The following PCDHGA1 variants were observed in gnomAD, a reference collection of about 807,000 sequenced individuals.
The protein encoded by PCDHGA1 is protocadherin gamma-A1.
A neutral mutation model predicts 58.0 loss-of-function variants in PCDHGA1; 32 were observed. That is an observed-to-expected ratio of 0.55 (90% CI 0.42 to 0.74). The LOEUF (loss-of-function observed/expected upper bound fraction) is 0.74. Among genes scored for constraint, PCDHGA1 ranks in the 30% least tolerant of loss-of-function variants. The pLI is 0.00. For missense variants in PCDHGA1, 1,205 were observed against 1,182.3 expected, an observed-to-expected ratio of 1.02 and a Z score of -0.28; for synonymous variants, 498 against 501.1, an observed-to-expected ratio of 0.99 and a Z score of 0.08.
chr5:141,351,755 T>C (rs1758807882), intron 1 of PCDHGA1: 1 of 1,613,480 alleles, frequency 6.2e-7, no homozygotes, highest in Admixed American at 1.7e-5. Flanking sequence ...GGAGCTGTTG[T>C]CCTACGTGTC....
At chr5:141,389,620 C>T (rs1447057180) in intron 1 of PCDHGA1, 1 of 1,613,032 alleles carries the variant, frequency 6.2e-7, no homozygotes, top group African/African-American at 1.3e-5. Context: ...GTGCCGCACG[C>T]TGCAGAGCCT....
At chr5:141,376,675 C>CCTTTTTTTT (rs1561575046) in intron 1 of PCDHGA1, 1 of 343,980 alleles carries the variant, frequency 2.9e-6, no homozygotes. Context: ...GTGAGGGTAT[C>CCTTTTTTTT]GTTTTTTTTT....
chr5:141,399,314 A>G, intron 1 of PCDHGA1: 1 of 1,613,988 alleles, frequency 6.2e-7, no homozygotes, highest in African/African-American at 1.3e-5. Flanking sequence ...TCATCCAAAA[A>G]TTCGTATAAG....
chr5:141,385,041 C>T, intron 1 of PCDHGA1: 1 of 1,614,174 alleles, frequency 6.2e-7, no homozygotes, highest in Non-Finnish European at 8.5e-7. Flanking sequence ...TGCTGGCGCT[C>T]AGGCTGCGGC....
chr5:141,430,913 C>A (rs1485488693), intron 1 of PCDHGA1: 1 of 1,607,720 alleles, frequency 6.2e-7, no homozygotes, highest in East Asian at 2.2e-5. Context: ...CTCCAGGGAC[C>A]TGGGGCTGGA....
At chr5:141,405,316 T>C (rs752153213) in intron 1 of PCDHGA1, 5 of 1,614,232 alleles carry the variant, frequency 3.1e-6, no homozygotes, top group Non-Finnish European at 4.2e-6. Context: ...GTGAGAAAAA[T>C]GAGCCTTTGT....
At chr5:141,473,988 G>T (rs1006988447) in intron 1 of PCDHGA1, among the ~76,000 whole-genome samples, 2 of 152,118 alleles carry the variant, frequency 1.3e-5, no homozygotes, top group Middle Eastern at 3.2e-3. Context: ...AGGATCCCTT[G>T]AGCCCAAGGA....
At chr5:141,368,030 G>A (rs1323866640) in intron 1 of PCDHGA1, among the ~76,000 whole-genome samples, 1 of 152,122 alleles carries the variant, frequency 6.6e-6, no homozygotes. Context: ...TCAAATTCCA[G>A]GAGGATGTGT....
In PCDHGA1 at chr5:141,490,490, C is replaced by A. The variant is rs886264588; in HGVS notation, c.2422-4317C>A. The A allele has an allele frequency of 1.2e-6, 2 of 1,614,184 alleles. No individual in the cohort carries two copies. Among genetic ancestry groups the A allele is most frequent in the Non-Finnish European group, 1.7e-6 (2 of 1,180,028 alleles). ...AGCCAGCCTTTGGACCGGGAGGCCA[C>A]ATCCCACTATATCATCGAGCTGCTG... On this transcript the variant is annotated intron_variant, in intron 1 of 3. Transcript: ENST00000517417. The surrounding 1 kb of genome is among the most constrained non-coding windows in gnomAD (Gnocchi z 5.4).
At chr5:141,494,268 C>G (rs576129333) in intron 1 of PCDHGA1, among the ~76,000 whole-genome samples, 31 of 152,288 alleles carry the variant, frequency 2.0e-4, no homozygotes, top group African/African-American at 7.2e-4. Flanking sequence ...TTCTTGCAAG[C>G]CAAGGGCCCA....
intron 1 of PCDHGA1, among the ~76,000 whole-genome samples, chr5:141,438,793 C>T (rs982191766): frequency 2.7e-5 from 4 of 149,544 alleles, no homozygotes; most frequent in African/African-American, 7.4e-5. Context: ...TCTCCAGTAG[C>T]TGGGATTACA....
At position 141,339,931 on chromosome 5, in the gene PCDHGA1, A is replaced by G. The variant is rs1043132725; in HGVS notation, c.2421+6826A>G. 2.5e-6 allele frequency: 4 copies of G among 1,614,142 alleles called. No individual in the cohort carries two copies. In the African/African-American group the frequency reaches 4.0e-5, roughly 16 times the overall value. The stretch of plus-strand genomic sequence containing the variant: ...CTACATTCCATGAAATTGATATTGA[A>G]GCTCAGGATGGTCCGGGCCTTCTAA... On this transcript the variant is annotated intron_variant, in intron 1 of 3. Coordinates refer to ENST00000517417, the MANE Select transcript of PCDHGA1 (RefSeq NM_018912.3).
At chr5:141,409,681 G>A in intron 1 of PCDHGA1, 1 of 1,613,368 alleles carries the variant, frequency 6.2e-7, no homozygotes, top group South Asian at 1.1e-5. Flanking sequence ...CTATAGTGGC[G>A]AGTGACCTAG....
intron 1 of PCDHGA1, chr5:141,338,963 A>C (rs548687567): frequency 2.7e-5 from 41 of 1,526,060 alleles, no homozygotes; most frequent in Non-Finnish European, 3.5e-5. Flanking sequence ...AAATTGCGAC[A>C]GGAGGGAAAT....
rs533857281 is a variant in PCDHGA1 at position 141,429,742 on chromosome 5, T to C, written c.2422-65065T>C. Among the ~76,000 whole-genome samples the C allele has an allele frequency of 3.8e-4, 58 of 152,336 alleles. 1 individual carries two copies. Among genetic ancestry groups the C allele is most frequent in the Admixed American group, 2.0e-4 (3 of 15,302 alleles). Reference sequence around the variant, plus strand: ...ATGAAAGTACGTAGCCAGTTATTTCTTAGGGAGAATTTTTTCCCTATATTT... The same window carrying C: ...ATGAAAGTACGTAGCCAGTTATTTCCTAGGGAGAATTTTTTCCCTATATTT... On this transcript the variant is annotated intron_variant, in intron 1 of 3. Transcript: ENST00000517417.
chr5:141,469,112 A>T (rs1207790108), intron 1 of PCDHGA1, among the ~76,000 whole-genome samples: 1 of 151,698 alleles, frequency 6.6e-6, no homozygotes, highest in African/African-American at 2.4e-5. Flanking sequence ...ACCTGTCTCT[A>T]AAAAAATTTA....
chr5:141,503,912 AAC>A lies in PCDHGA1; in HGVS notation c.2481-1471_2481-1470del, dbSNP rs34419983. Among the ~76,000 whole-genome samples, 284 of 152,278 alleles carry A rather than the reference AAC, an allele frequency of 1.9e-3. 1 individual carries two copies. The highest frequency in any genetic ancestry group is 0.014 in the Middle Eastern group (4 of 292). Reference sequence around the variant, plus strand: ...GACAAAATATGCACACACACAACGCAACACACACACAGACATTTTCATGCCTT... The same window carrying A: ...GACAAAATATGCACACACACAACGCAACACACACAGACATTTTCATGCCTT... On this transcript the variant is annotated intron_variant, in intron 2 of 3. Coordinates refer to ENST00000517417, the MANE Select transcript of PCDHGA1 (RefSeq NM_018912.3).
chr5:141,472,853 G>A (rs1283601489), intron 1 of PCDHGA1, among the ~76,000 whole-genome samples: 1 of 151,738 alleles, frequency 6.6e-6, no homozygotes, highest in Non-Finnish European at 1.5e-5. Flanking sequence ...GGGCATGGTG[G>A]CACATGCCTG....
chr5:141,380,968 A>T (rs1005346854), intron 1 of PCDHGA1, among the ~76,000 whole-genome samples: 1 of 152,270 alleles, frequency 6.6e-6, no homozygotes, highest in African/African-American at 2.4e-5. Flanking sequence ...AAGTACTATT[A>T]AACAAATAGA....
Sources: gnomAD v4.1 joint callset for allele counts (sites outside exome capture counted in the v4.1 genomes callset) on GRCh38, gnomAD v4.1.1 for gene constraint, Gnocchi (gnomAD v3.1) non-coding constraint, MANE v1.5 for transcripts, NCBI Gene and HGNC (gene_info 2026-07-23, HGNC 2026-07-21) for gene names.